The following UPP2 variants were observed in gnomAD, a reference collection of about 807,000 sequenced individuals.
The protein encoded by UPP2 is UPase 2.
UPP2 carries 23 observed loss-of-function variants against 26.7 expected under a neutral mutation model. The ratio of observed to expected loss-of-function variants is 0.86; its 90% CI spans 0.62 to 1.22. The LOEUF is 1.22. Among genes scored for constraint, UPP2 ranks in the 50% most tolerant of loss-of-function variants. The pLI is 0.00. For missense variants in UPP2, 387 were observed against 396.7 expected (o/e 0.98, Z 0.21); for synonymous variants, 127 against 141.3 (o/e 0.90, Z 0.72).
intron 3 of UPP2, among the ~76,000 whole-genome samples, chr2:158,047,657 AT>A (rs1304593137): frequency 6.6e-6 from 1 of 152,214 alleles, no homozygotes; most frequent in East Asian, 1.9e-4. Context: ...AGTATCTGTA[AT>A]TGTTAAAAAA....
At chr2:158,017,409 C>T (rs533880961) in intron 3 of UPP2, among the ~76,000 whole-genome samples, 2 of 151,738 alleles carry the variant, frequency 1.3e-5, no homozygotes, top group South Asian at 2.1e-4. Flanking sequence ...ACTTATATCT[C>T]TCCTGGAAGG....
chr2:158,084,098 G>T (rs1211919490), intron 3 of UPP2, among the ~76,000 whole-genome samples: 2 of 151,862 alleles, frequency 1.3e-5, no homozygotes, highest in Non-Finnish European at 2.9e-5. Flanking sequence ...GTTTTCCATG[G>T]TGGCTGTACT....
intron 2 of UPP2, among the ~76,000 whole-genome samples, chr2:158,112,607 C>T (rs2105219732): frequency 6.6e-6 from 1 of 151,164 alleles, no homozygotes; most frequent in Non-Finnish European, 1.5e-5. Context: ...AAATTGAACT[C>T]TAAAAAAAAA....
chr2:158,016,247 A>G (rs1683656696), intron 3 of UPP2, among the ~76,000 whole-genome samples: 1 of 152,020 alleles, frequency 6.6e-6, no homozygotes. Flanking sequence ...GTGTTTATTG[A>G]ATACTTTATA....
intron 3 of UPP2, among the ~76,000 whole-genome samples, chr2:158,063,130 G>C (rs1574269916): frequency 6.6e-6 from 1 of 151,806 alleles, no homozygotes. Flanking sequence ...TTTTTTTTCT[G>C]AACAATTACC....
chr2:157,995,385 C>G, intron 2 of UPP2: 1 of 1,049,986 alleles, frequency 9.5e-7, no homozygotes, highest in Non-Finnish European at 1.4e-6. Flanking sequence ...CTTCCATCAA[C>G]TGGCACAAAT....
intron 3 of UPP2, among the ~76,000 whole-genome samples, chr2:158,063,956 A>G (rs1207795542): frequency 1.3e-5 from 2 of 152,222 alleles, no homozygotes; most frequent in Non-Finnish European, 1.5e-5. Flanking sequence ...ATAGTATTCC[A>G]TGGTGTATAT....
chr2:158,066,625 TG>T (rs1682439576), intron 3 of UPP2, among the ~76,000 whole-genome samples: 1 of 94,446 alleles, frequency 1.1e-5, no homozygotes, highest in African/African-American at 4.3e-5. Flanking sequence ...GTTTAACCAT[TG>T]ATTCTTTTTT....
chr2:158,062,949 A>G (rs946123931), intron 3 of UPP2, among the ~76,000 whole-genome samples: 1 of 152,166 alleles, frequency 6.6e-6, no homozygotes, highest in Non-Finnish European at 1.5e-5. Context: ...TCAAGCACTC[A>G]ATCCACTGTT....
At chr2:158,086,915 G>C (rs1195443251) in intron 3 of UPP2, among the ~76,000 whole-genome samples, 1 of 152,070 alleles carries the variant, frequency 6.6e-6, no homozygotes, top group Non-Finnish European at 1.5e-5. Context: ...CCTATCATAT[G>C]ATCTATCTTA....
rs1181150133 is a variant in UPP2 at position 158,123,858 on chromosome 2, A to G, written c.774A>G (p.Thr258=). ...TCAGGAATATTGAAATGGAATCTAC[A>G]GTGTTTGCAGCTATGTGTGGACTCT... ...AGVRNIEMES[T]VFAAMCGLCG... is the part of the protein sequence containing the mutation. Residue 258 remains threonine (T), a synonymous_variant, in exon 6 of 7, where the codon ACA becomes ACG. Coordinates refer to ENST00000005756, the MANE Select transcript of UPP2 (RefSeq NM_173355.4). 6.2e-7 allele frequency: 1 copy of G among 1,613,982 alleles called. No individual in the cohort carries two copies. The highest frequency in any genetic ancestry group is 1.3e-5 in the African/African-American group (1 of 74,936).
At chr2:158,040,079 G>A (rs1684063608) in intron 3 of UPP2, among the ~76,000 whole-genome samples, 1 of 152,234 alleles carries the variant, frequency 6.6e-6, no homozygotes, top group Non-Finnish European at 1.5e-5. Flanking sequence ...TTTGTGGGCT[G>A]ACTGCAGTGG....
At position 158,117,932 on chromosome 2, in the gene UPP2, G is replaced by T; in HGVS notation, c.448G>T (p.Gly150Ter). The change falls in exon 4 of 7, where the codon GGA becomes TGA. Residue 150 changes from glycine (G) to a stop codon, truncating the protein, a stop_gained. Transcript: ENST00000005756. LOFTEE classifies it high-confidence loss of function. ...VTIIRIGTSG[G>*]IGIAPGTVVI... The stretch of plus-strand genomic sequence containing the variant: ...CATTATTAGAATCGGTACATCAGGG[G>T]GAATAGGTGAGACGGATTGATGTCT... The T allele has an allele frequency of 6.2e-7, 1 of 1,607,818 alleles. No homozygotes were observed.
intron 3 of UPP2, among the ~76,000 whole-genome samples, chr2:158,028,226 C>T (rs1683865793): frequency 1.3e-5 from 2 of 152,168 alleles, no homozygotes; most frequent in African/African-American, 4.8e-5. Flanking sequence ...GCTCTGCTTC[C>T]CTTATAAAAC....
chr2:158,126,899 C>G (rs1013438477), intron 6 of UPP2: 3 of 152,248 alleles, frequency 2.0e-5, no homozygotes, highest in Non-Finnish European at 2.9e-5. Context: ...CTCCAGACAG[C>G]CTTCTGACAC....
intron 3 of UPP2, among the ~76,000 whole-genome samples, chr2:158,071,095 A>G (rs1256899085): frequency 6.6e-6 from 1 of 152,204 alleles, no homozygotes; most frequent in African/African-American, 2.4e-5. Context: ...ATTAAAAGGC[A>G]GTCAGGGACA....
intron 3 of UPP2, among the ~76,000 whole-genome samples, chr2:158,115,946 C>G (rs1416153166): frequency 1.3e-5 from 2 of 152,194 alleles, no homozygotes; most frequent in African/African-American, 4.8e-5. Flanking sequence ...TTTCTGGGCA[C>G]TGCAACCCTC....
At chr2:158,046,437 CA>C (rs1293531272) in intron 3 of UPP2, among the ~76,000 whole-genome samples, 1 of 152,184 alleles carries the variant, frequency 6.6e-6, no homozygotes, top group Non-Finnish European at 1.5e-5. Context: ...CTCCCCCAGC[CA>C]GAGAATCTGC....
chr2:158,097,038 A>G (rs183682213), upstream of UPP2, among the ~76,000 whole-genome samples: 1 of 152,196 alleles, frequency 6.6e-6, no homozygotes, highest in Admixed American at 6.5e-5. Context: ...TTTTCTGAAT[A>G]CTTTGTAATA....
Sources: allele counts gnomAD v4.1 joint callset (sites outside exome capture counted in the v4.1 genomes callset), GRCh38; gene constraint gnomAD v4.1.1; transcripts MANE v1.5; gene names NCBI Gene and HGNC (gene_info 2026-07-23, HGNC 2026-07-21).